Variants in PLEKHM3 observed in about 807,000 individuals in gnomAD.
The protein encoded by PLEKHM3 is pleckstrin homology domain containing M3, also known as pleckstrin homology domain-containing family M member 3.
In PLEKHM3, 45 loss-of-function variants were observed where a neutral mutation model predicts 81.8. The ratio of observed to expected loss-of-function variants is 0.55; its 90% CI spans 0.43 to 0.71. PLEKHM3 has a LOEUF of 0.71. Among genes scored for constraint, PLEKHM3 ranks in the 30% least tolerant of loss-of-function variants. The pLI is 0.00. For missense variants in PLEKHM3, 788 were observed against 924.3 expected (o/e 0.85, Z 1.91); for synonymous variants, 352 against 356.4 (o/e 0.99, Z 0.14).
chr2:208,017,390 C>T (rs1473872532), intron 1 of PLEKHM3, among the ~76,000 whole-genome samples: 1 of 152,064 alleles, frequency 6.6e-6, no homozygotes, highest in East Asian at 1.9e-4. Context: ...GGAGTGGCGA[C>T]AGAGTTTAGG....
chr2:207,971,867 C>A (rs541949370), intron 3 of PLEKHM3, among the ~76,000 whole-genome samples: 2 of 152,210 alleles, frequency 1.3e-5, no homozygotes, highest in Non-Finnish European at 2.9e-5. Context: ...TGCTCAAGAA[C>A]CTTCTGTGAC....
chr2:207,845,649 C>G (rs2092378187), intron 7 of PLEKHM3, among the ~76,000 whole-genome samples: 1 of 152,078 alleles, frequency 6.6e-6, no homozygotes, highest in Non-Finnish European at 1.5e-5. Context: ...GTAATGCCTA[C>G]TTAAATAATG....
chr2:207,892,279 G>A (rs370473344), intron 6 of PLEKHM3, among the ~76,000 whole-genome samples: 1 of 152,132 alleles, frequency 6.6e-6, no homozygotes, highest in African/African-American at 2.4e-5. Context: ...CATCATTTTT[G>A]TAAAGGGGAT....
intron 7 of PLEKHM3, among the ~76,000 whole-genome samples, chr2:207,840,489 C>T (rs1449149485): frequency 2.0e-5 from 3 of 152,200 alleles, no homozygotes; most frequent in African/African-American, 7.2e-5. Context: ...AGCCACCATG[C>T]CCAGCCAACT....
At chr2:207,947,064 G>A (rs1690157198) in intron 3 of PLEKHM3, among the ~76,000 whole-genome samples, 1 of 152,140 alleles carries the variant, frequency 6.6e-6, no homozygotes, top group Non-Finnish European at 1.5e-5. Context: ...AAACTGTTAT[G>A]TAGCCTTCCT....
intron 6 of PLEKHM3, among the ~76,000 whole-genome samples, chr2:207,875,817 A>AAACAACAAC (rs368508005): frequency 6.6e-6 from 1 of 151,896 alleles, no homozygotes; most frequent in Non-Finnish European, 1.5e-5. Flanking sequence ...TAAAAAAAGC[A>AAACAACAAC]AACAACAACA....
rs541171099 is a variant in PLEKHM3, at chr2:207,973,417, G to T, written c.1546+3234C>A. Among the ~76,000 whole-genome samples, 93 of 152,306 alleles carry T rather than the reference G, an allele frequency of 6.1e-4. 2 individuals carry two copies. Among genetic ancestry groups the T allele is most frequent in the African/African-American group, 2.1e-3 (89 of 41,556 alleles). ...AGACTCTGCCCCCTACAGGAGATCA[G>T]GAAATAAAGTATTCTTACCTAGAAA... is the stretch of plus-strand genomic sequence containing the variant. On this transcript the variant is annotated intron_variant, in intron 3 of 7. Transcript: ENST00000427836.
In PLEKHM3 at chr2:207,966,646, G is replaced by A. The variant is rs533068415; in HGVS notation, c.1546+10005C>T. On this transcript the variant is annotated intron_variant, in intron 3 of 7. Coordinates refer to ENST00000427836, the MANE Select transcript of PLEKHM3 (RefSeq NM_001080475.3). ...TGGCTCGCTGCAACCTCCACCTCCC[G>A]GGTTCAAGAGGTTCTCCTACCTCAG... 1.9e-3 allele frequency among the ~76,000 whole-genome samples: 288 copies of A among 152,122 alleles called. 1 individual carries two copies. The highest frequency in any genetic ancestry group is 6.5e-3 in the African/African-American group (271 of 41,516).
rs1691539059 is a variant in PLEKHM3 at position 207,981,935 on chromosome 2, T to C, written c.611-4349A>G. Among the ~76,000 whole-genome samples the C allele has an allele frequency of 2.6e-5, 4 of 152,174 alleles. No individual in the cohort carries two copies. In the South Asian group the frequency reaches 8.3e-4, roughly 32 times the overall value. On this transcript the variant is annotated intron_variant, in intron 2 of 7. Coordinates refer to ENST00000427836, the MANE Select transcript of PLEKHM3 (RefSeq NM_001080475.3). ...GAATACAGTTGACTCTTGAAAAGCA[T>C]GGGTTTGAACAGTGCAGGTCCACTT...
chr2:208,016,359 T>G (rs1442156770), intron 1 of PLEKHM3, among the ~76,000 whole-genome samples: 4 of 151,944 alleles, frequency 2.6e-5, no homozygotes, highest in Non-Finnish European at 4.4e-5. Context: ...AAAGATGATA[T>G]GCTGGCTAGG....
intron 2 of PLEKHM3, among the ~76,000 whole-genome samples, chr2:208,000,158 A>C (rs1574480922): frequency 6.6e-6 from 1 of 152,050 alleles, no homozygotes; most frequent in Middle Eastern, 3.4e-3. Context: ...GAAATTCAAG[A>C]CCCTCCGCCA....
At chr2:207,945,895 T>C (rs1470616034) in intron 4 of PLEKHM3, among the ~76,000 whole-genome samples, 11 of 147,368 alleles carry the variant, frequency 7.5e-5, no homozygotes, top group Non-Finnish European at 1.0e-4. Context: ...AGTGAGACAA[T>C]GTCTAAAAAA....
At chr2:207,935,510 G>A (rs1689722043) in intron 4 of PLEKHM3, among the ~76,000 whole-genome samples, 1 of 152,166 alleles carries the variant, frequency 6.6e-6, no homozygotes, top group African/African-American at 2.4e-5. Flanking sequence ...CATAAAGCTG[G>A]CCTAGCTGTG....
In PLEKHM3 at chr2:208,001,801, T is replaced by G; in HGVS notation, c.-162A>C. On this transcript the variant is annotated 5_prime_UTR_variant, in exon 2 of 8. Transcript: ENST00000427836. ...AGCAGGCCAAACCCAAAGTGGTTGA[T>G]GTTTTCCTGGTAATTAAAAGCATTT... The G allele has an allele frequency of 8.4e-7, 1 of 1,184,468 alleles. No individual in the cohort carries two copies. Among genetic ancestry groups the G allele is most frequent in the South Asian group, 1.6e-5 (1 of 63,390 alleles). The allele number at this position is 1,184,468 out of a possible 1,614,324, so 73.4% of individuals were successfully genotyped here.
intron 6 of PLEKHM3, among the ~76,000 whole-genome samples, chr2:207,867,031 G>A (rs2092505317): frequency 6.6e-6 from 1 of 152,196 alleles, no homozygotes; most frequent in South Asian, 2.1e-4. Flanking sequence ...AATATAAATT[G>A]CTTGAGGGCA....
intron 4 of PLEKHM3, among the ~76,000 whole-genome samples, chr2:207,932,252 C>A (rs936703801): frequency 6.6e-6 from 1 of 152,114 alleles, no homozygotes; most frequent in Non-Finnish European, 1.5e-5. Context: ...TCAGTAGAAA[C>A]AAATAGTACA....
At position 208,018,761 on chromosome 2, in the gene PLEKHM3, G is replaced by C. The variant is rs188693236; in HGVS notation, c.-319+6628C>G. On this transcript the variant is annotated intron_variant, in intron 1 of 7. Transcript: ENST00000427836. ...CCAAAATTAAAACCTATTGCCATTTGGATAAACTACACACATCTTAACATT... is the reference window on the plus strand; with the variant it reads ...CCAAAATTAAAACCTATTGCCATTTCGATAAACTACACACATCTTAACATT... Among the ~76,000 whole-genome samples the C allele has an allele frequency of 7.8e-4, 118 of 152,180 alleles. 1 individual carries two copies. The highest frequency in any genetic ancestry group is 2.5e-3 in the African/African-American group (103 of 41,516).
chr2:207,934,802 CA>C (rs1446989053), intron 4 of PLEKHM3, among the ~76,000 whole-genome samples: 1 of 152,206 alleles, frequency 6.6e-6, no homozygotes, highest in Non-Finnish European at 1.5e-5. Flanking sequence ...TAAGTGTCAT[CA>C]GTATAGATTC....
chr2:207,972,529 G>A (rs1691161099), intron 3 of PLEKHM3, among the ~76,000 whole-genome samples: 1 of 151,278 alleles, frequency 6.6e-6, no homozygotes, highest in Admixed American at 6.6e-5. Context: ...GGAGGTTGCA[G>A]TGAGCCGAGA....
Sources: gnomAD v4.1 joint callset for allele counts (sites outside exome capture counted in the v4.1 genomes callset) on GRCh38, gnomAD v4.1.1 for gene constraint, MANE v1.5 for transcripts, NCBI Gene and HGNC (gene_info 2026-07-23, HGNC 2026-07-21) for gene names.